DLG2: variants seen among roughly 807,000 people sequenced by gnomAD.
DLG2 encodes disks large homolog 2.
A neutral mutation model predicts 132.5 loss-of-function variants in DLG2; 45 were observed. The observed-to-expected ratio is 0.34, with a 90% confidence interval of 0.27 to 0.44. DLG2 has a LOEUF of 0.44. DLG2 is among the 20% of genes least tolerant of loss of function. The pLI is 1.00. For missense variants in DLG2, 1,045 were observed against 1,196.9 expected, an observed-to-expected ratio of 0.87 and a Z score of 1.87; for synonymous variants, 424 against 419.6, an observed-to-expected ratio of 1.01 and a Z score of -0.13.
intron 6 of DLG2, among the ~76,000 whole-genome samples, chr11:84,947,079 T>C (rs2050310954): frequency 6.6e-6 from 1 of 152,206 alleles, no homozygotes; most frequent in South Asian, 2.1e-4. Flanking sequence ...ATGCGGCCAG[T>C]CGCTGCCATT....
At chr11:83,468,252 C>T (rs1203777114) in intron 25 of DLG2, among the ~76,000 whole-genome samples, 3 of 152,152 alleles carry the variant, frequency 2.0e-5, no homozygotes, top group East Asian at 1.9e-4. Flanking sequence ...GAGAAACCCA[C>T]TAAGATGGTT....
At chr11:85,160,602 C>T (rs935160487) in intron 4 of DLG2, among the ~76,000 whole-genome samples, 3 of 152,138 alleles carry the variant, frequency 2.0e-5, no homozygotes, top group Non-Finnish European at 4.4e-5. Context: ...TCATGCACAG[C>T]AGCATTCCAT....
At chr11:83,705,731 T>A (rs1037622370) in intron 18 of DLG2, among the ~76,000 whole-genome samples, 1 of 152,214 alleles carries the variant, frequency 6.6e-6, no homozygotes, top group Non-Finnish European at 1.5e-5. Context: ...TTTTATTTTT[T>A]AAAATATGCC....
At chr11:84,151,521 G>A (rs73515779) in intron 9 of DLG2, among the ~76,000 whole-genome samples, 363 of 152,082 alleles carry the variant, frequency 2.4e-3, no homozygotes, top group African/African-American at 8.1e-3. Context: ...CTGATCTTTT[G>A]TATATATTTT....
intron 7 of DLG2, among the ~76,000 whole-genome samples, chr11:84,502,271 CTTCCTTCCTTCT>C (rs2099215466): frequency 1.4e-4 from 3 of 21,844 alleles, no homozygotes; most frequent in African/African-American, 6.4e-4. Flanking sequence ...TCCTTCCTTC[CTTCCTTCCTTCT>C]TTCTTTCTTT....
At chr11:84,423,635 C>T (rs1474636803) in intron 7 of DLG2, among the ~76,000 whole-genome samples, 1 of 152,052 alleles carries the variant, frequency 6.6e-6, no homozygotes, top group Non-Finnish European at 1.5e-5. Context: ...CCATCACATC[C>T]CAGCTTCTCA....
intron 17 of DLG2, chr11:83,790,676 T>G: frequency 2.2e-6 from 2 of 890,770 alleles, no homozygotes; most frequent in Non-Finnish European, 3.8e-6. Flanking sequence ...GCGGACCCAC[T>G]CTGGGGCTCT....
chr11:83,775,911 T>C (rs1325859165), intron 18 of DLG2, among the ~76,000 whole-genome samples: 2 of 151,938 alleles, frequency 1.3e-5, no homozygotes, highest in Admixed American at 1.3e-4. Context: ...GCTAATACGG[T>C]GAAACCTCGT....
intron 19 of DLG2, among the ~76,000 whole-genome samples, chr11:83,559,634 T>G (rs1010807000): frequency 6.6e-6 from 1 of 150,486 alleles, no homozygotes; most frequent in Non-Finnish European, 1.5e-5. Flanking sequence ...TACGTTGCCA[T>G]GTACCTAAAA....
chr11:83,624,788 G>A (rs973568349), intron 19 of DLG2, among the ~76,000 whole-genome samples: 2 of 152,148 alleles, frequency 1.3e-5, no homozygotes, highest in African/African-American at 2.4e-5. Flanking sequence ...AATTCTGGAT[G>A]AGAAGCCAGA....
intron 18 of DLG2, among the ~76,000 whole-genome samples, chr11:83,723,570 G>C (rs892297689): frequency 6.6e-6 from 1 of 151,888 alleles, no homozygotes; most frequent in South Asian, 2.1e-4. Flanking sequence ...CATTATCTTG[G>C]GGGGCCAGAA....
At chr11:85,536,826 G>C (rs891086993) in intron 3 of DLG2, among the ~76,000 whole-genome samples, 1 of 152,144 alleles carries the variant, frequency 6.6e-6, no homozygotes, top group African/African-American at 2.4e-5. Context: ...TCTCTTTCTC[G>C]CTTCCCCTCT....
At chr11:85,209,287 ATT>A (rs903054212) in intron 4 of DLG2, among the ~76,000 whole-genome samples, 4 of 151,598 alleles carry the variant, frequency 2.6e-5, no homozygotes, top group Non-Finnish European at 5.9e-5. Flanking sequence ...ATCAATGTTG[ATT>A]TTTTTTAGAT....
chr11:84,205,270 T>A (rs188945104), intron 8 of DLG2, among the ~76,000 whole-genome samples: 1 of 152,262 alleles, frequency 6.6e-6, no homozygotes, highest in East Asian at 1.9e-4. Context: ...TAAAGGGAAG[T>A]ATAGACAAAT....
rs186617930 is a variant in DLG2, at chr11:84,135,456, C to T, written c.624+28005G>A. Among the ~76,000 whole-genome samples the T allele has an allele frequency of 1.4e-4, 21 of 152,056 alleles. No individual in the cohort carries two copies. In the East Asian group the frequency reaches 2.1e-3, roughly 15 times the overall value. On this transcript the variant is annotated intron_variant, in intron 9 of 27. Transcript: ENST00000376104. ...CTGGACAGGGGTCAGTAAATCTTGA[C>T]GAAGACTTTTAAATAACAACAGAGG...
At chr11:84,965,239 C>T (rs2053154001) in intron 6 of DLG2, among the ~76,000 whole-genome samples, 1 of 151,976 alleles carries the variant, frequency 6.6e-6, no homozygotes, top group African/African-American at 2.4e-5. Context: ...TCAGTGAGAC[C>T]TAAGGTCAGA....
chr11:85,607,582 T>G (rs1027455983), intron 2 of DLG2, among the ~76,000 whole-genome samples: 1 of 152,192 alleles, frequency 6.6e-6, no homozygotes, highest in Non-Finnish European at 1.5e-5. Context: ...TAAGAATGAT[T>G]TCTAGTATAA....
chr11:85,324,919 C>A (rs554244518), intron 3 of DLG2, among the ~76,000 whole-genome samples: 2 of 106,078 alleles, frequency 1.9e-5, no homozygotes, highest in African/African-American at 6.3e-5. Context: ...GTGTGCGCAC[C>A]GTGCGCGAGC....
chr11:84,735,748 T>C (rs1450339081), intron 6 of DLG2, among the ~76,000 whole-genome samples: 2 of 152,268 alleles, frequency 1.3e-5, no homozygotes, highest in East Asian at 3.9e-4. Context: ...ATTTGAGATC[T>C]TTCCTGCTTT....
Sources: allele counts gnomAD v4.1 joint callset (sites outside exome capture counted in the v4.1 genomes callset), GRCh38; gene constraint gnomAD v4.1.1; transcripts MANE v1.5; gene names NCBI Gene and HGNC (gene_info 2026-07-23, HGNC 2026-07-21).